The following RBM12B variants were observed in gnomAD, a reference collection of about 807,000 sequenced individuals.
RBM12B encodes the protein RNA-binding protein 12B.
Under a neutral mutation model 34.3 loss-of-function variants are expected in RBM12B, and 10 were observed. That is an observed-to-expected ratio of 0.29 (90% CI 0.18 to 0.49). The LOEUF (loss-of-function observed/expected upper bound fraction) is 0.49, where lower values mean the gene tolerates loss of function less well. Ranked by LOEUF, RBM12B falls within the 20% of genes least tolerant of loss-of-function variation. The pLI is 0.99. For missense variants in RBM12B, 1,139 were observed against 1,262.7 expected (o/e 0.90, Z 1.48); for synonymous variants, 477 against 437.1 (o/e 1.09, Z -1.14).
chr8:93,735,489 C>A lies in RBM12B; in HGVS notation c.922G>T (p.Asp308Tyr), dbSNP rs781134315. The A allele has an allele frequency of 5.0e-6, 8 of 1,613,346 alleles. No homozygotes were observed. The highest frequency in any genetic ancestry group is 6.8e-6 in the Non-Finnish European group (8 of 1,179,670). The change falls in exon 4 of 4, where the codon GAT (aspartate) becomes TAT (tyrosine). Residue 308 changes from aspartate (D) to tyrosine (Y), a missense_variant. Physicochemically the swap from Asp to Tyr is radical, Grantham distance 160 (BLOSUM62 -3). This residue lies in a region of RBM12B where 863 missense variants were observed against 869.5 expected (regional missense o/e 0.99). Coordinates refer to ENST00000520560, the MANE Select transcript of RBM12B (RefSeq NM_001377960.1). ...AACCTAATCTGTTCATCAGTCAGAT[C>A]AGTACCTCTAAAGAAATTTCTTAAA... The part of the protein sequence containing the change: ...RDLRNFFRGT[D>Y]LTDEQIRFLY...
Position 93,734,260 on chromosome 8 carries a change from CTGCCTGAAGTCCTCCTCAGGGGAA to C in RBM12B, c.2127_2150del (p.His709_Arg716del), listed in dbSNP as rs745603913. 30 of 1,612,992 alleles carry C rather than the reference CTGCCTGAAGTCCTCCTCAGGGGAA, an allele frequency of 1.9e-5. No homozygotes were observed. The African/African-American group carries it at 1.9e-4, about 10-fold the overall frequency. On this transcript the variant is annotated inframe_deletion, in exon 4 of 4. Coordinates refer to ENST00000520560, the MANE Select transcript of RBM12B (RefSeq NM_001377960.1). ...GCCTCCGGAAATGCTCCTGGGGTGA[CTGCCTGAAGTCCTCCTCAGGGGAA>C]TGCCTGAAATCCTCCTCTGGGGGCC...
At position 93,729,266 on chromosome 8, in the gene RBM12B, T is replaced by C. The variant is rs1260278209; in HGVS notation, c.*4139A>G. ...AGAAAGCTTCTGACTTTGTCAATCA[T>C]GGCTCTGTTCTTAACAAAGCACTCC... On this transcript the variant is annotated 3_prime_UTR_variant, in exon 4 of 4. Coordinates refer to ENST00000520560, the MANE Select transcript of RBM12B (RefSeq NM_001377960.1). 6.6e-6 allele frequency: 1 copy of C among 152,122 alleles called. No individual in the cohort carries two copies. The highest frequency in any genetic ancestry group is 6.5e-5 in the Admixed American group (1 of 15,280). 9.4% of individuals were successfully genotyped at this position (152,122 alleles called of 1,614,324 possible). A position where few individuals can be genotyped will look rare whatever the true frequency, so the allele number is the denominator to read the frequency against.
rs1270646805 is a variant in RBM12B, at chr8:93,734,397, C to G, written c.2014G>C (p.Glu672Gln). 4 of 1,611,830 alleles carry G rather than the reference C, an allele frequency of 2.5e-6. No homozygotes were observed. Among genetic ancestry groups the G allele is most frequent in the Non-Finnish European group, 1.7e-6 (2 of 1,179,402 alleles). ...TCTGGGGGCCGTCTCCAGTCCTCCT[C>G]AGGTGGCCGCCTGAAATCTTCCTCT... ...LPEEDFRRPP[E>Q]EDWRRPPEED... The change falls in exon 4 of 4, where the codon GAG (glutamate) becomes CAG (glutamine). Residue 672 changes from glutamate to glutamine, a missense_variant. Glu to Gln is a conservative substitution (Grantham distance 29, BLOSUM62 2). Transcript: ENST00000520560.
At chr8:93,739,483 T>G (rs1483132066) in intron 2 of RBM12B, among the ~76,000 whole-genome samples, 1 of 152,208 alleles carries the variant, frequency 6.6e-6, no homozygotes, top group Non-Finnish European at 1.5e-5. Flanking sequence ...AGTAGGGTAA[T>G]GTACCATTTA....
In RBM12B at chr8:93,735,970, T is replaced by C; in HGVS notation, c.441A>G (p.Thr147=). 6.2e-7 allele frequency: 1 copy of C among 1,614,222 alleles called. No individual in the cohort carries two copies. ...TGHGNLRPRK[T]RPLKAENPYL... is the part of the protein sequence containing the mutation. ...AAGGATTCTCGGCCTTCAATGGCCT[T>C]GTCTTTCTTGGCCTTAAATTACCAT... Residue 147 remains threonine (T), a synonymous_variant, in exon 4 of 4, where the codon ACA becomes ACG. Coordinates refer to ENST00000520560, the MANE Select transcript of RBM12B (RefSeq NM_001377960.1).
rs1378146540 is a variant in RBM12B, at chr8:93,734,060, TGGGGCGGTCTCCGGAAGTGCTCCG to T, written c.2327_2350del (p.Pro776_Pro783del). 1.9e-6 allele frequency: 3 copies of T among 1,584,844 alleles called. No individual in the cohort carries two copies. Among genetic ancestry groups the T allele is most frequent in the South Asian group, 2.3e-5 (2 of 88,194 alleles). On this transcript the variant is annotated inframe_deletion, in exon 4 of 4. Coordinates refer to ENST00000520560, the MANE Select transcript of RBM12B (RefSeq NM_001377960.1). ...CTGAGGCGGCCGCCTGAAATGCTCC[TGGGGCGGTCTCCGGAAGTGCTCCG>T]GGGGCGGGCGCCTGAAATGCTCTGG... is the stretch of plus-strand genomic sequence containing the variant.
chr8:93,734,204 G>C lies in RBM12B; in HGVS notation c.2207C>G (p.Pro736Arg), dbSNP rs1168165704. ...TGGAGGTGGTCTCCGGAAATGCTCT[G>C]GGGGTGGCCGACGGAAATGCTCCTG... ...PPQEHFRRPPPEHFRRPPPEH... is the reference protein window; with the variant it reads ...PPQEHFRRPPREHFRRPPPEH... The change falls in exon 4 of 4, where the codon CCA becomes CGA. Residue 736 changes from proline to arginine, a missense_variant. Physicochemically the swap from Pro to Arg is moderately radical, Grantham distance 103. Coordinates refer to ENST00000520560, the MANE Select transcript of RBM12B (RefSeq NM_001377960.1). 1 of 1,590,650 alleles carries C rather than the reference G, an allele frequency of 6.3e-7. No homozygotes were observed.
Position 93,733,876 on chromosome 8 carries a change from C to T in RBM12B, c.2535G>A (p.Gln845=), listed in dbSNP as rs1399181337. The part of the protein sequence containing the change: ...FRCPSDEDFR[Q]LPEEDLREAP... Reference sequence around the variant, plus strand: ...CTTCCCTAAGGTCTTCCTCTGGGAGCTGCCTGAAGTCCTCATCAGAAGGGC... The same window carrying T: ...CTTCCCTAAGGTCTTCCTCTGGGAGTTGCCTGAAGTCCTCATCAGAAGGGC... Residue 845 remains glutamine, a synonymous_variant, in exon 4 of 4, where the codon CAG becomes CAA. Coordinates refer to ENST00000520560, the MANE Select transcript of RBM12B (RefSeq NM_001377960.1). 2 of 1,613,824 alleles carry T rather than the reference C, an allele frequency of 1.2e-6. No homozygotes were observed. Among genetic ancestry groups the T allele is most frequent in the African/African-American group, 1.3e-5 (1 of 74,856 alleles).
In RBM12B at chr8:93,734,204, G is replaced by A; in HGVS notation, c.2207C>T (p.Pro736Leu). 2 of 1,590,770 alleles carry A rather than the reference G, an allele frequency of 1.3e-6. No individual in the cohort carries two copies. Among genetic ancestry groups the A allele is most frequent in the South Asian group, 2.3e-5 (2 of 87,370 alleles). The part of the protein sequence containing the change: ...PPQEHFRRPP[P>L]EHFRRPPPEH... ...TGGAGGTGGTCTCCGGAAATGCTCTGGGGGTGGCCGACGGAAATGCTCCTG... is the reference window on the plus strand; with the variant it reads ...TGGAGGTGGTCTCCGGAAATGCTCTAGGGGTGGCCGACGGAAATGCTCCTG... Residue 736 changes from proline (P) to leucine (L), a missense_variant, in exon 4 of 4, where the codon CCA (proline) becomes CTA (leucine). Pro to Leu is a moderately conservative substitution (Grantham distance 98). Around this residue, in one of 3 missense-constraint regions of RBM12B, gnomAD observed 863 missense variants for 869.5 expected, o/e 0.99. Coordinates refer to ENST00000520560, the MANE Select transcript of RBM12B (RefSeq NM_001377960.1).
chr8:93,735,925 C>T lies in RBM12B; in HGVS notation c.486G>A (p.Leu162=). 1.2e-6 allele frequency: 2 copies of T among 1,614,190 alleles called. No homozygotes were observed. The highest frequency in any genetic ancestry group is 1.1e-5 in the South Asian group (1 of 91,078). The change falls in exon 4 of 4, where the codon TTG becomes TTA. Residue 162 remains leucine (L), a synonymous_variant. Coordinates refer to ENST00000520560, the MANE Select transcript of RBM12B (RefSeq NM_001377960.1). ...CATCATCTTCATTTACTAGGTAAGG[C>T]AAACCTCGTAGAAACAAGTAAGGAT... ...AENPYLFLRG[L]PYLVNEDDVR...
At position 93,736,244 on chromosome 8, in the gene RBM12B, G is replaced by A. The variant is rs1812018686; in HGVS notation, c.167C>T (p.Ala56Val). ...GATAAACCCTCCTGAACGACTTATG[G>A]CACGTCTTGCATCTTCATCTGTTGC... ...IFATDEDARR[A>V]ISRSGGFIKD... Residue 56 changes from alanine (A) to valine (V), a missense_variant, in exon 4 of 4, where the codon GCC (alanine) becomes GTC (valine). Ala to Val is a moderately conservative substitution (Grantham distance 64). Around this residue, in one of 3 missense-constraint regions of RBM12B, gnomAD observed 216 missense variants for 292.2 expected, o/e 0.74. Transcript: ENST00000520560. The A allele has an allele frequency of 6.2e-7, 1 of 1,614,064 alleles. No individual in the cohort carries two copies. The highest frequency in any genetic ancestry group is 8.5e-7 in the Non-Finnish European group (1 of 1,180,024).
chr8:93,732,407 G>C lies in RBM12B; in HGVS notation c.*998C>G, dbSNP rs887260703. ...CCACACAAGTCTTAACAGTTATAGA[G>C]TCTTTGCATGGACACAGTTTCGAAG... is the stretch of plus-strand genomic sequence containing the variant. On this transcript the variant is annotated 3_prime_UTR_variant, in exon 4 of 4. Transcript: ENST00000520560. The C allele has an allele frequency of 6.6e-6, 1 of 152,172 alleles. No individual in the cohort carries two copies. The highest frequency in any genetic ancestry group is 1.5e-5 in the Non-Finnish European group (1 of 68,030). 9.4% of individuals were successfully genotyped at this position (152,172 alleles called of 1,614,324 possible).
chr8:93,730,279 G>T lies in RBM12B; in HGVS notation c.*3126C>A, dbSNP rs1281330982. 6.6e-6 allele frequency: 1 copy of T among 152,142 alleles called. No individual in the cohort carries two copies. Among genetic ancestry groups the T allele is most frequent in the Non-Finnish European group, 1.5e-5 (1 of 68,024 alleles). 9.4% of individuals were successfully genotyped at this position (152,142 alleles called of 1,614,324 possible). A position where few individuals can be genotyped will look rare whatever the true frequency, so the allele number is the denominator to read the frequency against. On this transcript the variant is annotated 3_prime_UTR_variant, in exon 4 of 4. Coordinates refer to ENST00000520560, the MANE Select transcript of RBM12B (RefSeq NM_001377960.1). ...GTCACTACTTAACAGGTGATATATG[G>T]ATCAAGAATCACTGCTCTTAACAGT...
Position 93,734,707 on chromosome 8 carries a change from G to C in RBM12B, c.1704C>G (p.Pro568=), listed in dbSNP as rs1254544112. The C allele has an allele frequency of 6.2e-7, 1 of 1,614,098 alleles. No homozygotes were observed. The highest frequency in any genetic ancestry group is 8.5e-7 in the Non-Finnish European group (1 of 1,179,996). The change falls in exon 4 of 4, where the codon CCC becomes CCG. Residue 568 remains proline (P), a synonymous_variant. Transcript: ENST00000520560. ...FRHSSEDFRF[P]PEDFRHSPED... The stretch of plus-strand genomic sequence containing the variant: ...CTGGGGAGTGCCTGAAGTCCTCCGG[G>C]GGGAACCTAAAGTCCTCTGAGGAGT...
chr8:93,739,561 G>A (rs1039936468), intron 2 of RBM12B, among the ~76,000 whole-genome samples: 1 of 152,088 alleles, frequency 6.6e-6, no homozygotes, highest in Non-Finnish European at 1.5e-5. Context: ...GCACTTCTGT[G>A]GTTCCAACAT....
rs1321111109 is a variant in RBM12B, at chr8:93,733,504, G to A, written c.2907C>T (p.Ala969=). 6.2e-7 allele frequency: 1 copy of A among 1,609,752 alleles called. No homozygotes were observed. Residue 969 remains alanine (A), a synonymous_variant, in exon 4 of 4, where the codon GCC becomes GCT. Coordinates refer to ENST00000520560, the MANE Select transcript of RBM12B (RefSeq NM_001377960.1). ...CATTATAGTTTATCATAGCAACAAT[G>A]GCTTCCCCTGTAGGTAAGCCTTGCT... ...YNEQGLPTGE[A]IVAMINYNEA...
rs189860710 is a variant in RBM12B, at chr8:93,734,899, T to G, written c.1512A>C (p.Arg504=). 1.2e-5 allele frequency: 20 copies of G among 1,614,112 alleles called. No individual in the cohort carries two copies. The East Asian group carries it at 4.2e-4, about 34-fold the overall frequency. ...AGTCAAATAAATGGGAATGGTCACCTCGCTCACGTGACTGTGAGCGAGCTT... is the reference window on the plus strand; with the variant it reads ...AGTCAAATAAATGGGAATGGTCACCGCGCTCACGTGACTGTGAGCGAGCTT... The part of the protein sequence containing the change: ...KMQARSQSRE[R]GDHSHLFDSK... Residue 504 remains arginine (R), a synonymous_variant, in exon 4 of 4, where the codon CGA becomes CGC. Coordinates refer to ENST00000520560, the MANE Select transcript of RBM12B (RefSeq NM_001377960.1).
chr8:93,730,236 A>C lies in RBM12B; in HGVS notation c.*3169T>G, dbSNP rs1811734964. ...ATAAACAACAGCTAATATTTACTGC[A>C]AAAACAGAGGCAGCAAGGTCACTAC... On this transcript the variant is annotated 3_prime_UTR_variant, in exon 4 of 4. Transcript: ENST00000520560. 1 of 152,226 alleles carries C rather than the reference A, an allele frequency of 6.6e-6. No homozygotes were observed. Among genetic ancestry groups the C allele is most frequent in the African/African-American group, 2.4e-5 (1 of 41,454 alleles). 9.4% of individuals were successfully genotyped at this position (152,226 alleles called of 1,614,324 possible). A position where few individuals can be genotyped will look rare whatever the true frequency, so the allele number is the denominator to read the frequency against.
chr8:93,737,393 C>T (rs1035827749), intron 2 of RBM12B, 38 bp from the exon 3 acceptor site: 1 of 152,008 alleles, frequency 6.6e-6, no homozygotes, highest in South Asian at 2.1e-4. Context: ...ATCCTTGAAC[C>T]CTGTAATTTA....
Sources: gnomAD v4.1 joint callset for allele counts (sites outside exome capture counted in the v4.1 genomes callset) on GRCh38, gnomAD v4.1.1 for gene constraint, gnomAD v4.1.1 regional missense constraint, MANE v1.5 for transcripts, NCBI Gene and HGNC (gene_info 2026-07-23, HGNC 2026-07-21) for gene names.